The following LRFN2 variants were observed in gnomAD, a reference collection of about 807,000 sequenced individuals.
LRFN2 encodes the protein leucine-rich repeat and fibronectin type-III domain-containing protein 2.
In LRFN2, 18 loss-of-function variants were observed where a neutral mutation model predicts 37.3. The ratio of observed to expected loss-of-function variants is 0.48; its 90% CI spans 0.33 to 0.72. The LOEUF is 0.72. Ranked by LOEUF, LRFN2 falls within the 30% of genes least tolerant of loss-of-function variation. The pLI is 0.02. For missense variants in LRFN2, 1,006 were observed against 1,060.7 expected, an observed-to-expected ratio of 0.95 and a Z score of 0.72; for synonymous variants, 556 against 466.6, an observed-to-expected ratio of 1.19 and a Z score of -2.47.
chr6:40,554,743 C>G (rs1347806474), intron 1 of LRFN2, among the ~76,000 whole-genome samples: 1 of 152,054 alleles, frequency 6.6e-6, no homozygotes, highest in Non-Finnish European at 1.5e-5. Context: ...TGATCACCCC[C>G]TTCCTACTTG....
At chr6:40,473,769 G>A (rs1484464588) in intron 1 of LRFN2, among the ~76,000 whole-genome samples, 1 of 152,004 alleles carries the variant, frequency 6.6e-6, no homozygotes, top group East Asian at 1.9e-4. Flanking sequence ...GGCGTATGAT[G>A]TTCCTGTCCC....
intron 1 of LRFN2, among the ~76,000 whole-genome samples, chr6:40,573,278 G>A (rs1767218444): frequency 6.6e-6 from 1 of 152,192 alleles, no homozygotes; most frequent in Non-Finnish European, 1.5e-5. Flanking sequence ...ACAGTTGGGG[G>A]GAATTTGGAA....
intron 1 of LRFN2, among the ~76,000 whole-genome samples, chr6:40,535,762 C>A (rs914330996): frequency 6.6e-6 from 1 of 152,090 alleles, no homozygotes; most frequent in African/African-American, 2.4e-5. Flanking sequence ...GCTGACAATG[C>A]ACTGAGACTC....
At chr6:40,424,922 T>C (rs1262853714) in intron 2 of LRFN2, among the ~76,000 whole-genome samples, 1 of 152,238 alleles carries the variant, frequency 6.6e-6, no homozygotes, top group Non-Finnish European at 1.5e-5. Flanking sequence ...CAAATTTTTC[T>C]CCACCCCACA....
intron 1 of LRFN2, among the ~76,000 whole-genome samples, chr6:40,568,045 G>T (rs1007612240): frequency 1.3e-5 from 2 of 152,140 alleles, no homozygotes; most frequent in African/African-American, 2.4e-5. Flanking sequence ...TTCCCAGACG[G>T]TCTACAGTTT....
At chr6:40,418,357 C>T (rs192971785) in intron 2 of LRFN2, among the ~76,000 whole-genome samples, 72 of 152,234 alleles carry the variant, frequency 4.7e-4, no homozygotes, top group African/African-American at 1.6e-3. Context: ...TTTTCTTCCT[C>T]GTGTACATTT....
chr6:40,553,190 C>A (rs1561905295), intron 1 of LRFN2, among the ~76,000 whole-genome samples: 2 of 152,196 alleles, frequency 1.3e-5, no homozygotes, highest in South Asian at 4.1e-4. Context: ...GAGAAAGAAG[C>A]CTCTAGGTGG....
rs73732650 is a variant in LRFN2, at chr6:40,463,976, A to G, written c.-18-30845T>C. 7.1e-3 allele frequency among the ~76,000 whole-genome samples: 1,082 copies of G among 152,202 alleles called. 16 individuals are homozygous for G. Among genetic ancestry groups the G allele is most frequent in the African/African-American group, 0.024 (988 of 41,546 alleles). Reference sequence around the variant, plus strand: ...TGCCTCCTTTCCACCTTGAACAATGACCTGCCTTTACCTGGCCAACTCCTA... The same window carrying G: ...TGCCTCCTTTCCACCTTGAACAATGGCCTGCCTTTACCTGGCCAACTCCTA... On this transcript the variant is annotated intron_variant, in intron 1 of 2. Coordinates refer to ENST00000338305, the MANE Select transcript of LRFN2 (RefSeq NM_020737.3).
At chr6:40,524,252 C>T (rs1057029401) in intron 1 of LRFN2, among the ~76,000 whole-genome samples, 2 of 152,198 alleles carry the variant, frequency 1.3e-5, no homozygotes. Context: ...AAAATCCCAT[C>T]AGAGTCAATT....
At chr6:40,578,769 A>C (rs1767339741) in intron 1 of LRFN2, among the ~76,000 whole-genome samples, 3 of 152,244 alleles carry the variant, frequency 2.0e-5, no homozygotes, top group South Asian at 2.1e-4. Context: ...TTTCCTAACA[A>C]CCCTGTGAGG....
In LRFN2 at chr6:40,556,751, A is replaced by G. The variant is rs846504; in HGVS notation, c.-19+30190T>C. Among the ~76,000 whole-genome samples, 499 of 133,046 alleles carry G rather than the reference A, an allele frequency of 3.8e-3. 4 individuals are homozygous for G. The highest frequency in any genetic ancestry group is 0.014 in the African/African-American group (470 of 33,106). The allele number at this position is 133,046 out of a possible 152,430, so 87.3% of individuals were successfully genotyped here. A position where few individuals can be genotyped will look rare whatever the true frequency, so the allele number is the denominator to read the frequency against. ...CACACACACACACACACACACACAC[A>G]CGCACACACTCCTACTGATGCTCTT... is the stretch of plus-strand genomic sequence containing the variant. On this transcript the variant is annotated intron_variant, in intron 1 of 2. Coordinates refer to ENST00000338305, the MANE Select transcript of LRFN2 (RefSeq NM_020737.3).
intron 2 of LRFN2, among the ~76,000 whole-genome samples, chr6:40,420,366 C>A (rs1763196260): frequency 6.6e-6 from 1 of 152,238 alleles, no homozygotes; most frequent in Non-Finnish European, 1.5e-5. Context: ...CACATTCATG[C>A]CAGACCATAG....
chr6:40,443,150 G>A (rs1450305745), intron 1 of LRFN2, among the ~76,000 whole-genome samples: 1 of 152,146 alleles, frequency 6.6e-6, no homozygotes, highest in African/African-American at 2.4e-5. Flanking sequence ...GGGATCCCAC[G>A]TGGTACCGGC....
At chr6:40,518,394 G>T (rs535957595) in intron 1 of LRFN2, among the ~76,000 whole-genome samples, 3 of 152,296 alleles carry the variant, frequency 2.0e-5, no homozygotes, top group East Asian at 3.9e-4. Context: ...AGGTATAGAG[G>T]ATTAAGTAAG....
chr6:40,573,322 G>C (rs1314344180), intron 1 of LRFN2, among the ~76,000 whole-genome samples: 1 of 152,248 alleles, frequency 6.6e-6, no homozygotes, highest in Non-Finnish European at 1.5e-5. Flanking sequence ...GAGTGGTCAG[G>C]AGTGTGGGGC....
intron 2 of LRFN2, among the ~76,000 whole-genome samples, chr6:40,426,280 G>A (rs1419118481): frequency 6.6e-6 from 1 of 152,242 alleles, no homozygotes; most frequent in Non-Finnish European, 1.5e-5. Flanking sequence ...CTGAAAGTCA[G>A]ACTGCCTGCT....
chr6:40,490,820 T>C (rs2077719), intron 1 of LRFN2, among the ~76,000 whole-genome samples: 43,085 of 152,170 alleles, frequency 0.28, 6,557 homozygotes, highest in African/African-American at 0.4. Context: ...GCAGGGGAGA[T>C]TCCTTGACTT....
Position 40,392,980 on chromosome 6 carries a change from A to G in LRFN2, c.1401-68T>C. ...GGAAGGACAGGGTGATGGGGAGTGG[A>G]CAGAGGTAGAAACAGAGTGACAGAG... On this transcript the variant is annotated intron_variant, in intron 2 of 2. Coordinates refer to ENST00000338305, the MANE Select transcript of LRFN2 (RefSeq NM_020737.3). This position sits in a 1 kb window ranked among gnomAD's most constrained non-coding sequence, Gnocchi z 4.7. 1 of 1,475,080 alleles carries G rather than the reference A, an allele frequency of 6.8e-7. No homozygotes were observed. Among genetic ancestry groups the G allele is most frequent in the Non-Finnish European group, 9.2e-7 (1 of 1,090,640 alleles). The allele number at this position is 1,475,080 out of a possible 1,614,324, so 91.4% of individuals were successfully genotyped here.
chr6:40,446,398 G>A (rs1763971101), intron 1 of LRFN2, among the ~76,000 whole-genome samples: 1 of 152,216 alleles, frequency 6.6e-6, no homozygotes, highest in Non-Finnish European at 1.5e-5. Context: ...GGGCTACAGA[G>A]GAGAAAGGAT....
Sources: allele counts gnomAD v4.1 joint callset (sites outside exome capture counted in the v4.1 genomes callset), GRCh38; gene constraint gnomAD v4.1.1; non-coding constraint Gnocchi (gnomAD v3.1); transcripts MANE v1.5; gene names NCBI Gene and HGNC (gene_info 2026-07-23, HGNC 2026-07-21).